The following PCDH15 variants were observed in gnomAD, a reference collection of about 807,000 sequenced individuals.
The protein encoded by PCDH15 is protocadherin related 15, also known as protocadherin-15.
PCDH15 carries 129 observed loss-of-function variants against 178.5 expected under a neutral mutation model. The observed-to-expected ratio is 0.72, with a 90% CI of 0.63 to 0.84. PCDH15 has a LOEUF of 0.84. PCDH15 is among the 40% of genes least tolerant of loss of function. The probability of loss-of-function intolerance (pLI) is 0.00; values close to 1 mark genes in which losing one functional copy is unlikely to be tolerated. For missense variants in PCDH15, 2,230 were observed against 2,099.9 expected (o/e 1.06, Z -1.21); for synonymous variants, 800 against 732.0 (o/e 1.09, Z -1.50).
In PCDH15 at chr10:54,697,813, G is replaced by T. The variant is rs138101577; in HGVS notation, c.-28-33523C>A. On this transcript the variant is annotated intron_variant, in intron 1 of 37. Coordinates refer to ENST00000644397, the MANE Select transcript of PCDH15 (RefSeq NM_001384140.1). ...GGAGGGAGAGTGAAAAAAAGAAAAA[G>T]AAAAGAAAAAATAGCCAGGAAGACT... Among the ~76,000 whole-genome samples the T allele has an allele frequency of 3.6e-3, 553 of 151,834 alleles. 4 individuals are homozygous for T. Among genetic ancestry groups the T allele is most frequent in the African/African-American group, 0.013 (520 of 41,450 alleles).
intron 2 of PCDH15, among the ~76,000 whole-genome samples, chr10:54,942,793 A>C (rs1377993541): frequency 6.6e-6 from 1 of 152,068 alleles, no homozygotes. Context: ...TTAGAGAACC[A>C]CTGAATAATA....
At chr10:53,902,811 T>TA (rs2082413780) in intron 26 of PCDH15, among the ~76,000 whole-genome samples, 1 of 152,110 alleles carries the variant, frequency 6.6e-6, no homozygotes, top group Non-Finnish European at 1.5e-5. Flanking sequence ...GTTATTTTTT[T>TA]ACTTTCATTC....
chr10:54,534,014 G>A (rs1589945367), intron 2 of PCDH15, among the ~76,000 whole-genome samples: 1 of 152,080 alleles, frequency 6.6e-6, no homozygotes, highest in African/African-American at 2.4e-5. Context: ...GGGGATAAGA[G>A]TAATTACAAC....
At chr10:54,196,379 T>C (rs1402882812) in intron 10 of PCDH15, among the ~76,000 whole-genome samples, 1 of 152,000 alleles carries the variant, frequency 6.6e-6, no homozygotes, top group Admixed American at 6.5e-5. Flanking sequence ...CCTGACCTCG[T>C]GATCCGCCCG....
intron 2 of PCDH15, among the ~76,000 whole-genome samples, chr10:55,159,373 A>C (rs866233415): frequency 0.032 from 157 of 4,922 alleles, no homozygotes; most frequent in Middle Eastern, 0.17. Flanking sequence ...ATCTATCTAT[A>C]TATATATATA....
chr10:54,899,217 A>G (rs1008708141), intron 2 of PCDH15, among the ~76,000 whole-genome samples: 2 of 152,192 alleles, frequency 1.3e-5, no homozygotes, highest in Non-Finnish European at 2.9e-5. Context: ...TAATACATGA[A>G]GATGATGCAA....
At chr10:54,934,762 T>C (rs1198189862) in intron 2 of PCDH15, among the ~76,000 whole-genome samples, 1 of 149,596 alleles carries the variant, frequency 6.7e-6, no homozygotes, top group Non-Finnish European at 1.5e-5. Flanking sequence ...TCATGCTGCT[T>C]TAAAGACACA....
intron 9 of PCDH15, among the ~76,000 whole-genome samples, chr10:54,234,769 TA>T (rs1293236318): frequency 6.6e-6 from 1 of 152,152 alleles, no homozygotes; most frequent in African/African-American, 2.4e-5. Flanking sequence ...CAAATAATTG[TA>T]AGAGTTTATA....
chr10:55,342,684 T>C (rs1327432242), intron 2 of PCDH15, among the ~76,000 whole-genome samples: 1 of 152,104 alleles, frequency 6.6e-6, no homozygotes, highest in Non-Finnish European at 1.5e-5. Context: ...AGAAGCAGCC[T>C]CTCTCCTGGT....
intron 3 of PCDH15, among the ~76,000 whole-genome samples, chr10:54,382,221 T>C (rs1949325890): frequency 6.6e-6 from 1 of 152,094 alleles, no homozygotes; most frequent in Non-Finnish European, 1.5e-5. Context: ...TTTATAAAAA[T>C]GGAAAACTTC....
rs574738218 is a variant in PCDH15, at chr10:55,305,490, C to T, written c.-156+14109G>A. 3.3e-5 allele frequency among the ~76,000 whole-genome samples: 5 copies of T among 152,312 alleles called. No homozygotes were observed. The South Asian group carries it at 1.0e-3, about 32-fold the overall frequency. On this transcript the variant is annotated intron_variant, in intron 1 of 5. Transcript: ENST00000458638. ...TGTAGCCAGCTGAGGCCCCCAGGCACTGTTGTCCCTCATGGCACAGAGCTG... is the reference window on the plus strand; with the variant it reads ...TGTAGCCAGCTGAGGCCCCCAGGCATTGTTGTCCCTCATGGCACAGAGCTG...
intron 2 of PCDH15, among the ~76,000 whole-genome samples, chr10:54,941,499 A>G (rs1475120468): frequency 6.6e-6 from 1 of 152,096 alleles, no homozygotes; most frequent in Non-Finnish European, 1.5e-5. Flanking sequence ...ATCTTACTGT[A>G]CTGTATGTTG....
intron 17 of PCDH15, 103 bp from the exon 18 acceptor site, chr10:54,066,988 T>C: frequency 1.7e-6 from 2 of 1,178,142 alleles, no homozygotes; most frequent in African/African-American, 1.5e-5. Context: ...GCATCTCATT[T>C]TTCTTTCTAA....
chr10:53,940,437 C>T (rs2085952461), intron 24 of PCDH15, among the ~76,000 whole-genome samples: 1 of 152,024 alleles, frequency 6.6e-6, no homozygotes, highest in African/African-American at 2.4e-5. Context: ...TTATTTACAA[C>T]CTTGAAGTTC....
At chr10:54,765,929 T>C (rs1324069668) in intron 1 of PCDH15, among the ~76,000 whole-genome samples, 1 of 152,170 alleles carries the variant, frequency 6.6e-6, no homozygotes, top group African/African-American at 2.4e-5. Context: ...GGCAATAACA[T>C]TCTGATCTTT....
At chr10:54,381,838 A>C (rs1298941744) in intron 3 of PCDH15, among the ~76,000 whole-genome samples, 2 of 152,126 alleles carry the variant, frequency 1.3e-5, no homozygotes, top group Non-Finnish European at 2.9e-5. Flanking sequence ...CATATAATAG[A>C]AGTTAAGAGA....
Position 54,114,598 on chromosome 10 carries a change from A to G in PCDH15, c.1917+18277T>C, listed in dbSNP as rs2095081391. Among the ~76,000 whole-genome samples, 6 of 152,350 alleles carry G rather than the reference A, an allele frequency of 3.9e-5. No homozygotes were observed. The South Asian group carries it at 1.2e-3, about 32-fold the overall frequency. The stretch of plus-strand genomic sequence containing the variant: ...TGACAATATAACACAAAATAAGCAC[A>G]AGTGCATATAGGATTACAGCAAAGA... On this transcript the variant is annotated intron_variant, in intron 15 of 37. Coordinates refer to ENST00000644397, the MANE Select transcript of PCDH15 (RefSeq NM_001384140.1).
chr10:54,638,962 C>G (rs964268863), intron 2 of PCDH15, among the ~76,000 whole-genome samples: 2 of 152,042 alleles, frequency 1.3e-5, no homozygotes, highest in Non-Finnish European at 2.9e-5. Context: ...ACTTCAAGTT[C>G]TCACTTGTAA....
At chr10:55,310,306 AT>A (rs1005915682) in intron 1 of PCDH15, among the ~76,000 whole-genome samples, 4 of 152,086 alleles carry the variant, frequency 2.6e-5, no homozygotes, top group Non-Finnish European at 5.9e-5. Flanking sequence ...TTCTTAATAA[AT>A]TTTTCGTAAT....
Sources: allele counts gnomAD v4.1 joint callset (sites outside exome capture counted in the v4.1 genomes callset), GRCh38; gene constraint gnomAD v4.1.1; transcripts MANE v1.5; gene names NCBI Gene and HGNC (gene_info 2026-07-23, HGNC 2026-07-21).